FMN1: variants seen among roughly 807,000 people sequenced by gnomAD.
The protein encoded by FMN1 is formin 1, also known as formin-1.
In FMN1, 110 loss-of-function variants were observed where a neutral mutation model predicts 132.4. The observed-to-expected ratio is 0.83, with a 90% confidence interval of 0.71 to 0.97. FMN1 has a LOEUF of 0.97. Among genes scored for constraint, FMN1 ranks in the 50% least tolerant of loss-of-function variants. The pLI is 0.00. For synonymous variants in FMN1, 722 were observed against 651.7 expected (o/e 1.11, Z -1.64); for missense variants, 1,792 against 1,705.3 (o/e 1.05, Z -0.90).
rs77660044 is a variant in FMN1, at chr15:32,994,426, C to T, written c.2223+13588G>A. ...TGCAGTTCTCTCCAAACAAGCCAAG[C>T]TTCTCTTCACTCTTCAAACCTCTGC... is the stretch of plus-strand genomic sequence containing the variant. On this transcript the variant is annotated intron_variant, in intron 7 of 20. Transcript: ENST00000616417. 4.2e-3 allele frequency among the ~76,000 whole-genome samples: 635 copies of T among 152,302 alleles called. 11 individuals carry two copies. Among genetic ancestry groups the T allele is most frequent in the Admixed American group, 0.019 (283 of 15,292 alleles).
At chr15:32,811,688 G>A (rs1261616429) in intron 17 of FMN1, among the ~76,000 whole-genome samples, 4 of 148,240 alleles carry the variant, frequency 2.7e-5, no homozygotes, top group South Asian at 2.1e-4. Flanking sequence ...TTTTTGAGAC[G>A]GAGTCTCGCT....
intron 17 of FMN1, among the ~76,000 whole-genome samples, chr15:32,831,023 C>T (rs2058487972): frequency 6.6e-6 from 1 of 152,182 alleles, no homozygotes; most frequent in Non-Finnish European, 1.5e-5. Context: ...AACCCCCATG[C>T]TGGATTCTTA....
intron 9 of FMN1, among the ~76,000 whole-genome samples, chr15:32,957,938 T>A (rs2030005868): frequency 1.3e-5 from 2 of 152,188 alleles, no homozygotes; most frequent in Non-Finnish European, 2.9e-5. Context: ...GCCATGTTTG[T>A]CGTGGCAGAG....
At chr15:32,954,722 A>G (rs1292381106) in intron 9 of FMN1, among the ~76,000 whole-genome samples, 1 of 152,122 alleles carries the variant, frequency 6.6e-6, no homozygotes, top group Admixed American at 6.5e-5. Context: ...TTAACAACAC[A>G]AGGCTGGGCA....
intron 7 of FMN1, among the ~76,000 whole-genome samples, chr15:33,006,033 T>C (rs371952908): frequency 7.2e-5 from 11 of 152,184 alleles, no homozygotes; most frequent in East Asian, 5.8e-4. Flanking sequence ...ACCATACTAC[T>C]TATCGAATAA....
chr15:33,046,200 C>A (rs1313443120), intron 6 of FMN1, among the ~76,000 whole-genome samples: 1 of 151,990 alleles, frequency 6.6e-6, no homozygotes, highest in Non-Finnish European at 1.5e-5. Context: ...AAATTGGGAT[C>A]CTTAATATCT....
chr15:32,939,922 A>G (rs2061363598), intron 9 of FMN1, among the ~76,000 whole-genome samples: 1 of 152,192 alleles, frequency 6.6e-6, no homozygotes. Flanking sequence ...ATATTTACAT[A>G]AGCACAGATT....
At chr15:33,098,627 C>T (rs906691246) in intron 4 of FMN1, among the ~76,000 whole-genome samples, 3 of 152,160 alleles carry the variant, frequency 2.0e-5, no homozygotes, top group East Asian at 1.9e-4. Flanking sequence ...CCACACCTCA[C>T]GCAGGTAGAC....
chr15:32,994,928 T>C (rs1161729270), intron 7 of FMN1, among the ~76,000 whole-genome samples: 1 of 152,142 alleles, frequency 6.6e-6, no homozygotes, highest in Non-Finnish European at 1.5e-5. Context: ...AACAATGAGT[T>C]TTCATGTGTT....
At chr15:32,850,431 C>G (rs1435781565) in intron 17 of FMN1, among the ~76,000 whole-genome samples, 1 of 152,160 alleles carries the variant, frequency 6.6e-6, no homozygotes, top group African/African-American at 2.4e-5. Context: ...AAAGATGATT[C>G]TATATCCAGG....
rs892151467 is a variant in FMN1 at position 33,071,003 on chromosome 15, T to C, written c.2044-5929A>G. On this transcript the variant is annotated intron_variant, in intron 5 of 20. Transcript: ENST00000616417. ...CCAGCATCCACACTCTCAACCACTCTTCGAAAGCCCAGAGGCTCCACTTCC... is the reference window on the plus strand; with the variant it reads ...CCAGCATCCACACTCTCAACCACTCCTCGAAAGCCCAGAGGCTCCACTTCC... Among the ~76,000 whole-genome samples the C allele has an allele frequency of 2.6e-5, 4 of 152,156 alleles. No individual in the cohort carries two copies. The East Asian group carries it at 7.7e-4, about 29-fold the overall frequency.
intron 5 of FMN1, among the ~76,000 whole-genome samples, chr15:33,086,191 C>G (rs2038684745): frequency 6.6e-6 from 1 of 150,498 alleles, no homozygotes; most frequent in African/African-American, 2.5e-5. Context: ...GCGGAGGTTG[C>G]AGTGAGCCAA....
intron 6 of FMN1, among the ~76,000 whole-genome samples, chr15:33,024,174 A>T (rs140141257): frequency 3.3e-4 from 49 of 150,248 alleles, no homozygotes; most frequent in African/African-American, 1.2e-3. Context: ...ACTTGTCCTC[A>T]GGACAGCGCA....
intron 4 of FMN1, among the ~76,000 whole-genome samples, chr15:33,121,731 G>T (rs1170622534): frequency 6.6e-6 from 1 of 152,054 alleles, no homozygotes; most frequent in Non-Finnish European, 1.5e-5. Flanking sequence ...ATTTCACCAT[G>T]TTGGCCAGGA....
intron 5 of FMN1, 96 bp from the exon 6 acceptor site, chr15:33,065,170 A>G (rs1316385598): frequency 1.3e-6 from 1 of 743,246 alleles, no homozygotes; most frequent in African/African-American, 1.8e-5. Flanking sequence ...AGTTAATTTT[A>G]ATGGCTAGTT....
At chr15:33,112,803 G>A (rs1595498278) in intron 4 of FMN1, among the ~76,000 whole-genome samples, 1 of 152,120 alleles carries the variant, frequency 6.6e-6, no homozygotes, top group African/African-American at 2.4e-5. Flanking sequence ...AAGTGGTGTG[G>A]GTAAATGGCA....
chr15:33,156,273 G>GT (rs59517614), intron 3 of FMN1, among the ~76,000 whole-genome samples: 50 of 87,248 alleles, frequency 5.7e-4, no homozygotes, highest in East Asian at 3.0e-3. Flanking sequence ...CACTCAAGTA[G>GT]TTTTTTTTTT....
chr15:33,032,049 C>A (rs190448760), intron 6 of FMN1, among the ~76,000 whole-genome samples: 1 of 152,300 alleles, frequency 6.6e-6, no homozygotes, highest in East Asian at 1.9e-4. Flanking sequence ...AGAACTGTTG[C>A]TAATATTAAC....
intron 7 of FMN1, among the ~76,000 whole-genome samples, chr15:32,980,094 G>A (rs1228031893): frequency 6.6e-6 from 1 of 152,108 alleles, no homozygotes; most frequent in East Asian, 1.9e-4. Flanking sequence ...TTTATGATTT[G>A]GGTTCTGGCT....
Sources: gnomAD v4.1 joint callset for allele counts (sites outside exome capture counted in the v4.1 genomes callset) on GRCh38, gnomAD v4.1.1 for gene constraint, MANE v1.5 for transcripts, NCBI Gene and HGNC (gene_info 2026-07-23, HGNC 2026-07-21) for gene names.